The following ZNF354B variants were observed in gnomAD, a reference collection of about 807,000 sequenced individuals.
ZNF354B encodes zinc finger protein 354B.
ZNF354B carries 10 observed loss-of-function variants against 12.9 expected under a neutral mutation model. The ratio of observed to expected loss-of-function variants is 0.77; its 90% CI spans 0.48 to 1.31. The LOEUF (loss-of-function observed/expected upper bound fraction) is 1.31. Among genes scored for constraint, ZNF354B ranks in the 40% most tolerant of loss-of-function variants. The pLI is 0.00. For synonymous variants in ZNF354B, 260 were observed against 243.7 expected (o/e 1.07, Z -0.62); for missense variants, 614 against 711.7 (o/e 0.86, Z 1.56).
intron 4 of ZNF354B, 38 bp downstream of exon 4, chr5:178,867,109 G>A (rs771203401): frequency 1.5e-5 from 23 of 1,566,902 alleles, no homozygotes; most frequent in Non-Finnish European, 1.9e-5. Context: ...AATGGCCGCA[G>A]ACAATGGTCT....
At chr5:178,875,774 A>G (rs1157540275) in intron 4 of ZNF354B, among the ~76,000 whole-genome samples, 1 of 152,146 alleles carries the variant, frequency 6.6e-6, no homozygotes, top group Non-Finnish European at 1.5e-5. Context: ...GTGGCATGCT[A>G]GAAGCCCAGA....
At chr5:178,880,988 G>A (rs1298268682) in intron 4 of ZNF354B, among the ~76,000 whole-genome samples, 2 of 151,800 alleles carry the variant, frequency 1.3e-5, no homozygotes, top group Admixed American at 6.6e-5. Flanking sequence ...CATTACAGGC[G>A]CCCGCCACCA....
chr5:178,863,861 T>A (rs986907903), intron 2 of ZNF354B, among the ~76,000 whole-genome samples: 7 of 152,064 alleles, frequency 4.6e-5, no homozygotes, highest in Non-Finnish European at 8.8e-5. Context: ...AACAAAAAAA[T>A]TTTTAAAGTA....
intron 2 of ZNF354B, among the ~76,000 whole-genome samples, chr5:178,864,992 C>A (rs1435559243): frequency 1.3e-5 from 2 of 152,144 alleles, no homozygotes; most frequent in Non-Finnish European, 2.9e-5. Context: ...TTAACATTTT[C>A]ATGGATGTCT....
chr5:178,869,518 T>A (rs62393052), intron 4 of ZNF354B, among the ~76,000 whole-genome samples: 1 of 151,882 alleles, frequency 6.6e-6, no homozygotes. Context: ...GGCCGAATCT[T>A]GTGTGGAAGA....
At chr5:178,877,818 C>G (rs989686292) in intron 4 of ZNF354B, among the ~76,000 whole-genome samples, 2 of 152,208 alleles carry the variant, frequency 1.3e-5, no homozygotes, top group Non-Finnish European at 2.9e-5. Flanking sequence ...CCCCTAGAAG[C>G]TACAAGCCTT....
intron 4 of ZNF354B, among the ~76,000 whole-genome samples, chr5:178,879,834 G>A (rs1016457757): frequency 3.3e-5 from 5 of 152,206 alleles, no homozygotes; most frequent in Admixed American, 6.5e-5. Context: ...ATATATAAAA[G>A]TAGAGAGAAT....
At chr5:178,877,825 C>A (rs1451636837) in intron 4 of ZNF354B, among the ~76,000 whole-genome samples, 1 of 152,156 alleles carries the variant, frequency 6.6e-6, no homozygotes, top group African/African-American at 2.4e-5. Context: ...AAGCTACAAG[C>A]CTTCATATAG....
Position 178,864,094 on chromosome 5 carries a change from G to A in ZNF354B, c.34-2150G>A, listed in dbSNP as rs572129489. Among the ~76,000 whole-genome samples, 16 of 152,286 alleles carry A rather than the reference G, an allele frequency of 1.1e-4. No homozygotes were observed. In the East Asian group the frequency reaches 1.9e-3, roughly 18 times the overall value. On this transcript the variant is annotated intron_variant, in intron 2 of 4. Coordinates refer to ENST00000322434, the MANE Select transcript of ZNF354B (RefSeq NM_058230.3). ...AAAATAAATTTAGTGTAGCCTAAGT[G>A]TACAGTGTTTAAAATGTCTACAGTC...
intron 2 of ZNF354B, 76 bp from the exon 3 acceptor site, chr5:178,866,168 G>A: frequency 6.4e-7 from 1 of 1,574,342 alleles, no homozygotes; most frequent in East Asian, 2.2e-5. Context: ...TTCACGGGTA[G>A]CGTGTCTTCC....
chr5:178,863,883 A>G (rs1317534879), intron 2 of ZNF354B, among the ~76,000 whole-genome samples: 2 of 152,242 alleles, frequency 1.3e-5, no homozygotes, highest in African/African-American at 2.4e-5. Context: ...AAATAAAATT[A>G]AAAGCTTTTG....
Position 178,883,189 on chromosome 5 carries a change from A to T in ZNF354B, c.737A>T (p.Glu246Val), listed in dbSNP as rs1189418330. ...HTGEKLFKCK[E>V]CLKAFSQSSA... Reference sequence around the variant, plus strand: ...GGAGAAAAATTATTTAAATGTAAAGAATGTTTAAAAGCTTTCAGCCAAAGT... The same window carrying T: ...GGAGAAAAATTATTTAAATGTAAAGTATGTTTAAAAGCTTTCAGCCAAAGT... Residue 246 changes from glutamate (E) to valine (V), a missense_variant, in exon 5 of 5, where the codon GAA becomes GTA. By Grantham distance (121) the Glu-to-Val change is moderately radical (BLOSUM62 -2). Transcript: ENST00000322434. The T allele has an allele frequency of 6.2e-7, 1 of 1,613,638 alleles. No individual in the cohort carries two copies. Among genetic ancestry groups the T allele is most frequent in the Middle Eastern group, 1.6e-4 (1 of 6,062 alleles).
intron 4 of ZNF354B, among the ~76,000 whole-genome samples, chr5:178,880,970 G>A (rs1377740190): frequency 6.7e-6 from 1 of 149,750 alleles, no homozygotes; most frequent in African/African-American, 2.5e-5. Flanking sequence ...AGCCTCCCTA[G>A]TCACTAGCAT....
intron 4 of ZNF354B, among the ~76,000 whole-genome samples, chr5:178,874,820 G>C (rs1183377119): frequency 1.3e-5 from 2 of 152,322 alleles, no homozygotes; most frequent in South Asian, 2.1e-4. Context: ...TGATTTGCCA[G>C]AGTTCTCATG....
intron 4 of ZNF354B, among the ~76,000 whole-genome samples, chr5:178,874,970 C>T (rs1478752396): frequency 6.6e-6 from 1 of 152,136 alleles, no homozygotes; most frequent in African/African-American, 2.4e-5. Flanking sequence ...AATTCTTGTC[C>T]TAGTTTCACA....
intron 2 of ZNF354B, among the ~76,000 whole-genome samples, chr5:178,865,736 AAG>A (rs1181914019): frequency 6.6e-6 from 1 of 152,232 alleles, no homozygotes; most frequent in Non-Finnish European, 1.5e-5. Context: ...CATTCAGTAA[AAG>A]AGAGGTGTTC....
chr5:178,874,442 ATTCTTT>A (rs1757607468), intron 4 of ZNF354B, among the ~76,000 whole-genome samples: 1 of 151,860 alleles, frequency 6.6e-6, no homozygotes, highest in Non-Finnish European at 1.5e-5. Flanking sequence ...ATTGGTTTTT[ATTCTTT>A]TTCTTTATTT....
Position 178,866,893 on chromosome 5 carries a change from A to T in ZNF354B, c.161-83A>T, listed in dbSNP as rs534704336. ...GCAACATTCCTTCTGTAGAAAAGCC[A>T]CGGTTACCCTAATAATCAAGGGATA... On this transcript the variant is annotated intron_variant, in intron 3 of 4. Coordinates refer to ENST00000322434, the MANE Select transcript of ZNF354B (RefSeq NM_058230.3). 2,184 of 1,360,416 alleles carry T rather than the reference A, an allele frequency of 1.6e-3. 4 individuals are homozygous for T. The highest frequency in any genetic ancestry group is 1.9e-3 in the Non-Finnish European group (1,840 of 966,026). 84.3% of individuals were successfully genotyped at this position (1,360,416 alleles called of 1,614,324 possible). A position where few individuals can be genotyped will look rare whatever the true frequency, so the allele number is the denominator to read the frequency against.
intron 4 of ZNF354B, among the ~76,000 whole-genome samples, chr5:178,879,605 C>T (rs1056927270): frequency 6.6e-6 from 1 of 152,000 alleles, no homozygotes; most frequent in East Asian, 1.9e-4. Context: ...TCTTGAACTC[C>T]TGACCTCCTG....
Sources: allele counts gnomAD v4.1 joint callset (sites outside exome capture counted in the v4.1 genomes callset), GRCh38; gene constraint gnomAD v4.1.1; transcripts MANE v1.5; gene names NCBI Gene and HGNC (gene_info 2026-07-23, HGNC 2026-07-21).